Variants in MPRIP observed in about 807,000 individuals in gnomAD.
MPRIP encodes myosin phosphatase Rho-interacting protein.
A neutral mutation model predicts 234.9 loss-of-function variants in MPRIP; 59 were observed. The observed-to-expected ratio is 0.25, with a 90% confidence interval of 0.20 to 0.31. MPRIP has a LOEUF of 0.31. Ranked by LOEUF, MPRIP falls within the 10% of genes least tolerant of loss-of-function variation. The probability of loss-of-function intolerance (pLI) is 1.00; values close to 1 mark genes in which losing one functional copy is unlikely to be tolerated. For missense variants in MPRIP, 2,436 were observed against 3,071.0 expected (o/e 0.79, Z 4.89); for synonymous variants, 1,144 against 1,263.9 (o/e 0.91, Z 2.01).
intron 1 of MPRIP, among the ~76,000 whole-genome samples, chr17:17,044,319 A>G (rs1051298549): frequency 9.2e-5 from 14 of 152,148 alleles, no homozygotes; most frequent in Admixed American, 3.9e-4. Context: ...TCTCATCTGG[A>G]TGCTTTTTTG....
intron 9 of MPRIP, among the ~76,000 whole-genome samples, chr17:17,143,970 G>A (rs867302570): frequency 2.6e-5 from 4 of 152,240 alleles, no homozygotes; most frequent in Non-Finnish European, 5.9e-5. Context: ...GCTGCAGCAG[G>A]GACCCTCCGC....
intron 22 of MPRIP, among the ~76,000 whole-genome samples, chr17:17,179,038 G>A (rs375156430): frequency 1.3e-5 from 2 of 152,220 alleles, no homozygotes; most frequent in East Asian, 1.9e-4. Flanking sequence ...AACAGAGGGC[G>A]GGCGTGGTGG....
chr17:17,161,419 G>C (rs746934233), intron 15 of MPRIP, 63 bp downstream of exon 15: 15 of 1,225,138 alleles, frequency 1.2e-5, no homozygotes, highest in Non-Finnish European at 1.7e-5. Flanking sequence ...AAGGGTTCAT[G>C]CTCAGGCAGG....
chr17:17,164,314 A>G lies in MPRIP; in HGVS notation c.2723A>G (p.Asn908Ser), dbSNP rs1436068537. Reference sequence around the variant, plus strand: ...CGGAGCCTTCAGGCACGGCTCAGCAATGCGGCCGCTGAGCTAGCCATCAAG... The same window carrying G: ...CGGAGCCTTCAGGCACGGCTCAGCAGTGCGGCCGCTGAGCTAGCCATCAAG... ...EIRSLQARLS[N>S]AAAELAIKEQ... The change falls in exon 16 of 24, where the codon AAT becomes AGT. Residue 908 changes from asparagine (N) to serine (S), a missense_variant. Transcript: ENST00000651222. 3.9e-5 allele frequency: 51 copies of G among 1,303,914 alleles called. No homozygotes were observed. In the East Asian group the frequency reaches 7.2e-4, roughly 18 times the overall value. 80.8% of individuals were successfully genotyped at this position (1,303,914 alleles called of 1,614,324 possible). A position where few individuals can be genotyped will look rare whatever the true frequency, so the allele number is the denominator to read the frequency against.
At chr17:17,080,435 G>A (rs1046999377) in intron 3 of MPRIP, among the ~76,000 whole-genome samples, 5 of 152,246 alleles carry the variant, frequency 3.3e-5, no homozygotes, top group African/African-American at 1.2e-4. Context: ...CCTGGAGCAG[G>A]AAAACTCCAT....
At chr17:17,160,848 G>A (rs2045847390) in intron 14 of MPRIP, among the ~76,000 whole-genome samples, 1 of 152,196 alleles carries the variant, frequency 6.6e-6, no homozygotes, top group Non-Finnish European at 1.5e-5. Context: ...TCCTCCAGAT[G>A]CAGATGCAAA....
At chr17:17,114,451 T>C (rs1419205417) in intron 3 of MPRIP, among the ~76,000 whole-genome samples, 1 of 152,152 alleles carries the variant, frequency 6.6e-6, no homozygotes. Flanking sequence ...TTTTGTTGCT[T>C]GTGCTTTTGG....
At chr17:17,052,742 C>G (rs1254673069) in intron 1 of MPRIP, among the ~76,000 whole-genome samples, 2 of 152,226 alleles carry the variant, frequency 1.3e-5, no homozygotes, top group Non-Finnish European at 2.9e-5. Flanking sequence ...CCCCACATCC[C>G]CAACATGGGC....
intron 23 of MPRIP, chr17:17,180,620 A>C (rs757216899): frequency 3.1e-6 from 5 of 1,613,930 alleles, no homozygotes; most frequent in Middle Eastern, 1.6e-4. Context: ...GTAATTGAGC[A>C]GGTCTCGTGG....
chr17:17,074,270 G>T (rs1249991439), intron 1 of MPRIP, among the ~76,000 whole-genome samples: 1 of 152,232 alleles, frequency 6.6e-6, no homozygotes, highest in Non-Finnish European at 1.5e-5. Context: ...AATGGGACTG[G>T]TTGTACCTTT....
At position 17,138,286 on chromosome 17, in the gene MPRIP, T is replaced by A; in HGVS notation, c.1107T>A (p.Tyr369Ter). Residue 369 changes from tyrosine to a stop codon, truncating the protein, a stop_gained, in exon 7 of 24, where the codon TAT becomes TAA. Transcript: ENST00000651222. LOFTEE classifies it high-confidence loss of function. The surrounding 1 kb of genome is among the most constrained non-coding windows in gnomAD (Gnocchi z 5.8). ...TTGCCTTTAAAGCCAGCAGGCAATATGCCACCCTGGCCGACGTCCCTAAGG... is the reference window on the plus strand; with the variant it reads ...TTGCCTTTAAAGCCAGCAGGCAATAAGCCACCCTGGCCGACGTCCCTAAGG... ...SAFAFKASRQ[Y>*]ATLADVPKAI... is the part of the protein sequence containing the mutation. 1 of 456,128 alleles carries A rather than the reference T, an allele frequency of 2.2e-6. No homozygotes were observed. Among genetic ancestry groups the A allele is most frequent in the South Asian group, 4.2e-5 (1 of 23,948 alleles). 28.3% of individuals were successfully genotyped at this position (456,128 alleles called of 1,614,324 possible). A position where few individuals can be genotyped will look rare whatever the true frequency, so the allele number is the denominator to read the frequency against.
In MPRIP at chr17:17,191,627, C is replaced by T. The variant is rs897769247; in HGVS notation, c.*6733C>T. The T allele has an allele frequency of 1.3e-5, 2 of 152,222 alleles. No homozygotes were observed. Among genetic ancestry groups the T allele is most frequent in the African/African-American group, 4.8e-5 (2 of 41,456 alleles). The allele number at this position is 152,222 out of a possible 1,614,324, so 9.4% of individuals were successfully genotyped here. ...AGCCTCAGTGGGGGCCTTCCCCAGG[C>T]GCAGCTCGGCCACCTGAGGAAAGGG... On this transcript the variant is annotated 3_prime_UTR_variant, in exon 24 of 24. Transcript: ENST00000651222.
intron 9 of MPRIP, 32 bp from the exon 10 acceptor site, chr17:17,146,004 C>T: frequency 6.2e-7 from 1 of 1,609,212 alleles, no homozygotes; most frequent in East Asian, 2.2e-5. Flanking sequence ...GAAGAGTTTC[C>T]TCTGAGCTGT....
In MPRIP at chr17:17,098,608, G is replaced by A. The variant is rs375207115; in HGVS notation, c.267+20532G>A. ...GGAGGAGGGAATCCAGGAGAAAGAAGGAAGGGGAAAAGAGCAAGAACCCCT... is the reference window on the plus strand; with the variant it reads ...GGAGGAGGGAATCCAGGAGAAAGAAAGAAGGGGAAAAGAGCAAGAACCCCT... On this transcript the variant is annotated intron_variant, in intron 3 of 23. Coordinates refer to ENST00000651222, the MANE Select transcript of MPRIP (RefSeq NM_001364716.4). 1.4e-4 allele frequency among the ~76,000 whole-genome samples: 22 copies of A among 152,328 alleles called. No individual in the cohort carries two copies. The East Asian group carries it at 3.1e-3, about 21-fold the overall frequency.
chr17:17,171,093 A>C (rs1208655901), intron 16 of MPRIP: 1 of 152,344 alleles, frequency 6.6e-6, no homozygotes, highest in Non-Finnish European at 1.5e-5. Context: ...TCAACACCTG[A>C]GCATTAAGTG....
At chr17:17,077,851 T>G in intron 2 of MPRIP, 160 bp from the exon 3 acceptor site, 1 of 685,568 alleles carries the variant, frequency 1.5e-6, no homozygotes, top group South Asian at 1.7e-5. Context: ...TCAACATTCT[T>G]GTGCCTCGGG....
intron 1 of MPRIP, among the ~76,000 whole-genome samples, chr17:17,062,333 C>A (rs1384174379): frequency 6.6e-6 from 1 of 152,158 alleles, no homozygotes; most frequent in Non-Finnish European, 1.5e-5. Context: ...TGGTAAGTGC[C>A]ATGTAGTGGC....
intron 7 of MPRIP, among the ~76,000 whole-genome samples, chr17:17,141,302 G>C (rs1031554583): frequency 6.6e-6 from 1 of 152,200 alleles, no homozygotes; most frequent in Non-Finnish European, 1.5e-5. Context: ...CACTTACCAA[G>C]CTTTCCCTGG....
In MPRIP at chr17:17,171,874, G is replaced by T. The variant is rs759890053; in HGVS notation, c.6472+9G>T. ...AGCGGCCACCATCTCAGGTTGGGGGGTGGGGTAACCCTGAGGGCAGGGTGG... is the reference window on the plus strand; with the variant it reads ...AGCGGCCACCATCTCAGGTTGGGGGTTGGGGTAACCCTGAGGGCAGGGTGG... On this transcript the variant is annotated intron_variant, in intron 17 of 23. Coordinates refer to ENST00000651222, the MANE Select transcript of MPRIP (RefSeq NM_001364716.4). 1.9e-6 allele frequency: 3 copies of T among 1,611,664 alleles called. No individual in the cohort carries two copies. The highest frequency in any genetic ancestry group is 1.1e-5 in the South Asian group (1 of 90,822).
Sources: allele counts gnomAD v4.1 joint callset (sites outside exome capture counted in the v4.1 genomes callset), GRCh38; gene constraint gnomAD v4.1.1; non-coding constraint Gnocchi (gnomAD v3.1); transcripts MANE v1.5; gene names NCBI Gene and HGNC (gene_info 2026-07-23, HGNC 2026-07-21).